ENPP3: variants seen among roughly 807,000 people sequenced by gnomAD.
ENPP3 encodes ectonucleotide pyrophosphatase/phosphodiesterase family member 3.
Under a neutral mutation model 117.8 loss-of-function variants are expected in ENPP3, and 104 were observed. The ratio of observed to expected loss-of-function variants is 0.88; its 90% CI spans 0.75 to 1.04. ENPP3 has a LOEUF of 1.04. Ranked by LOEUF, ENPP3 falls within the 50% of genes least tolerant of loss-of-function variation. The pLI, the probability that ENPP3 is intolerant of heterozygous loss-of-function variation, is 0.00. For missense variants in ENPP3, 1,026 were observed against 1,051.9 expected (o/e 0.98, Z 0.34); for synonymous variants, 380 against 349.9 (o/e 1.09, Z -0.96).
At chr6:131,732,651 C>T (rs569604360) in intron 20 of ENPP3, among the ~76,000 whole-genome samples, 4 of 151,444 alleles carry the variant, frequency 2.6e-5, no homozygotes, top group Admixed American at 1.3e-4. Context: ...GTGATCCACC[C>T]GCCTCAACCT....
At position 131,746,967 on chromosome 6, in the gene ENPP3, T is replaced by A; in HGVS notation, c.*11T>A. 6.8e-7 allele frequency: 1 copy of A among 1,471,848 alleles called. No individual in the cohort carries two copies. The highest frequency in any genetic ancestry group is 9.4e-7 in the Non-Finnish European group (1 of 1,067,194). The allele number at this position is 1,471,848 out of a possible 1,614,324, so 91.2% of individuals were successfully genotyped here. A position where few individuals can be genotyped will look rare whatever the true frequency, so the allele number is the denominator to read the frequency against. On this transcript the variant is annotated 3_prime_UTR_variant, in exon 25 of 25. Coordinates refer to ENST00000357639, the MANE Select transcript of ENPP3 (RefSeq NM_005021.5). ...GAAACCACTATTTAACTTAATAATG[T>A]CTACTTAATATATAATTTACTGTAT...
At chr6:131,677,106 C>T (rs924303466) in intron 10 of ENPP3, among the ~76,000 whole-genome samples, 3 of 152,058 alleles carry the variant, frequency 2.0e-5, no homozygotes, top group South Asian at 2.1e-4. Context: ...CATGGTGGTA[C>T]GCAGTTGTAG....
intron 2 of ENPP3, among the ~76,000 whole-genome samples, chr6:131,645,413 T>A (rs1176690551): frequency 6.6e-6 from 1 of 152,254 alleles, no homozygotes; most frequent in Non-Finnish European, 1.5e-5. Context: ...TCTTTCATTT[T>A]AGTTTCTATT....
chr6:131,715,821 A>G (rs1463983969), intron 15 of ENPP3, among the ~76,000 whole-genome samples: 3 of 151,896 alleles, frequency 2.0e-5, no homozygotes, highest in African/African-American at 7.3e-5. Flanking sequence ...TTGTTGGGGG[A>G]CCTGTAGATG....
chr6:131,657,377 A>G (rs1324224185), intron 5 of ENPP3, among the ~76,000 whole-genome samples: 4 of 152,202 alleles, frequency 2.6e-5, no homozygotes, highest in Non-Finnish European at 5.9e-5. Flanking sequence ...GATTTCTATC[A>G]TCATACATTC....
chr6:131,690,110 T>C (rs1012264701), intron 14 of ENPP3, among the ~76,000 whole-genome samples: 1 of 152,192 alleles, frequency 6.6e-6, no homozygotes, highest in African/African-American at 2.4e-5. Flanking sequence ...TAAACATTGT[T>C]GAAAAGACAA....
intron 1 of ENPP3, among the ~76,000 whole-genome samples, chr6:131,639,944 T>C (rs1238731866): frequency 1.3e-5 from 2 of 152,142 alleles, no homozygotes; most frequent in African/African-American, 2.4e-5. Context: ...CTGGTCAACA[T>C]AGTGAGACCT....
intron 20 of ENPP3, among the ~76,000 whole-genome samples, 164 bp downstream of exon 20, chr6:131,726,364 T>G (rs1780155153): frequency 6.6e-6 from 1 of 152,184 alleles, no homozygotes; most frequent in African/African-American, 2.4e-5. Context: ...TTGTTATAGG[T>G]GCTACACGGG....
chr6:131,638,614 C>G (rs533025165), intron 1 of ENPP3: 33 of 351,178 alleles, frequency 9.4e-5, no homozygotes, highest in Non-Finnish European at 1.6e-4. Context: ...TTTGTAGAGA[C>G]TGGGTTTCAC....
At chr6:131,662,969 T>C (rs959968041) in intron 6 of ENPP3, among the ~76,000 whole-genome samples, 2 of 152,188 alleles carry the variant, frequency 1.3e-5, no homozygotes, top group Admixed American at 6.5e-5. Context: ...GATTGAATAG[T>C]TAATTATTAG....
At chr6:131,689,081 A>G (rs1212983999) in intron 14 of ENPP3, among the ~76,000 whole-genome samples, 2 of 151,988 alleles carry the variant, frequency 1.3e-5, no homozygotes, top group Non-Finnish European at 2.9e-5. Flanking sequence ...GAGAGAGAGA[A>G]AAAAAGAAGA....
intron 18 of ENPP3, among the ~76,000 whole-genome samples, chr6:131,722,765 G>C (rs754845934): frequency 1.3e-5 from 2 of 152,174 alleles, no homozygotes; most frequent in Non-Finnish European, 2.9e-5. Context: ...TGGTTATTTA[G>C]AGCAGAAAGA....
chr6:131,730,245 A>G (rs1780247038), intron 20 of ENPP3, among the ~76,000 whole-genome samples: 1 of 152,208 alleles, frequency 6.6e-6, no homozygotes. Flanking sequence ...AGCAGTCACC[A>G]TTCCTTATTT....
intron 8 of ENPP3, 102 bp downstream of exon 8, chr6:131,674,383 C>T (rs1170439075): frequency 8.5e-7 from 1 of 1,178,636 alleles, no homozygotes; most frequent in Non-Finnish European, 1.3e-6. Context: ...TGTCACCCAT[C>T]TAGTTTCTAA....
chr6:131,717,351 G>GGTGTGTGTGT (rs71030754), intron 15 of ENPP3, among the ~76,000 whole-genome samples: 10 of 89,426 alleles, frequency 1.1e-4, no homozygotes, highest in African/African-American at 1.5e-4. Flanking sequence ...CCCTGCGGGG[G>GGTGTGTGTGT]GTGTGTGTGT....
chr6:131,670,544 G>A (rs1313064195), intron 6 of ENPP3, among the ~76,000 whole-genome samples: 1 of 152,136 alleles, frequency 6.6e-6, no homozygotes, highest in Non-Finnish European at 1.5e-5. Context: ...AGGCTGAAGT[G>A]CAGTGGTGCG....
intron 15 of ENPP3, among the ~76,000 whole-genome samples, chr6:131,699,107 A>T (rs1203139815): frequency 6.7e-6 from 1 of 150,138 alleles, no homozygotes; most frequent in East Asian, 2.0e-4. Flanking sequence ...GCGTGGTGGC[A>T]CATGCCTGTA....
chr6:131,698,120 T>A (rs1779450290), intron 15 of ENPP3, among the ~76,000 whole-genome samples: 1 of 152,108 alleles, frequency 6.6e-6, no homozygotes, highest in African/African-American at 2.4e-5. Context: ...TGTGTGCGTG[T>A]GTATGTGTTT....
intron 14 of ENPP3, among the ~76,000 whole-genome samples, chr6:131,693,237 G>A (rs1406474484): frequency 6.6e-6 from 1 of 151,192 alleles, no homozygotes. Context: ...AGTGCAATGG[G>A]GTGATCTTGG....
Sources: gnomAD v4.1 joint callset for allele counts (sites outside exome capture counted in the v4.1 genomes callset) on GRCh38, gnomAD v4.1.1 for gene constraint, MANE v1.5 for transcripts, NCBI Gene and HGNC (gene_info 2026-07-23, HGNC 2026-07-21) for gene names.